SLC35D4: variants seen among roughly 807,000 people sequenced by gnomAD.
SLC35D4 encodes the protein solute carrier family 35 member D4, also known as UDP-N-acetylglucosamine transporter SLC35D4.
chr18:23,429,408 G>C, the SLC35D4 span, among the ~76,000 whole-genome samples: 1 of 151,954 alleles, frequency 6.6e-6, no homozygotes, highest in African/African-American at 2.4e-5. Flanking sequence ...CCAGGCTGGA[G>C]TACAACGGTG....
chr18:23,277,598 C>T, the SLC35D4 span, among the ~76,000 whole-genome samples: 5 of 152,240 alleles, frequency 3.3e-5, no homozygotes, highest in East Asian at 7.7e-4. Flanking sequence ...TGGAAGCTGC[C>T]AAAGAAAAAC....
At chr18:23,347,275 C>G in the SLC35D4 span, among the ~76,000 whole-genome samples, 2 of 152,126 alleles carry the variant, frequency 1.3e-5, no homozygotes, top group Non-Finnish European at 1.5e-5. Flanking sequence ...CCCATTTCAT[C>G]CAAATTGACT....
At chr18:23,356,963 T>A in the SLC35D4 span, among the ~76,000 whole-genome samples, 7 of 152,248 alleles carry the variant, frequency 4.6e-5, no homozygotes, top group Non-Finnish European at 1.0e-4. This position sits in a 1 kb window ranked among gnomAD's most constrained non-coding sequence, Gnocchi z 4.1. Flanking sequence ...GGTTCTATTG[T>A]GCCCATTTAA....
At chr18:23,396,009 T>G in the SLC35D4 span, among the ~76,000 whole-genome samples, 11 of 152,232 alleles carry the variant, frequency 7.2e-5, no homozygotes, top group Non-Finnish European at 7.3e-5. Flanking sequence ...CCAGGTCTTA[T>G]TTGTCTTTAT....
chr18:23,363,586 G>A, the SLC35D4 span, among the ~76,000 whole-genome samples: 1 of 151,852 alleles, frequency 6.6e-6, no homozygotes, highest in South Asian at 2.1e-4. Context: ...GTGTTAGCCA[G>A]GATGGTCTCG....
the SLC35D4 span, among the ~76,000 whole-genome samples, chr18:23,286,700 G>A: frequency 6.6e-6 from 1 of 151,996 alleles, no homozygotes; most frequent in Non-Finnish European, 1.5e-5. Flanking sequence ...ACTGTTGTAG[G>A]TATTGACGGC....
the SLC35D4 span, among the ~76,000 whole-genome samples, chr18:23,289,971 T>G: frequency 1.3e-5 from 2 of 152,132 alleles, no homozygotes; most frequent in African/African-American, 2.4e-5. Context: ...TCAGCCCGCC[T>G]GCACCCAGGT....
the SLC35D4 span, among the ~76,000 whole-genome samples, chr18:23,246,538 CCCG>C: frequency 6.6e-6 from 1 of 151,752 alleles, no homozygotes; most frequent in East Asian, 2.0e-4. Flanking sequence ...ACTACAGGCA[CCCG>C]CCACCACACC....
the SLC35D4 span, chr18:23,368,813 T>C: frequency 9.2e-7 from 1 of 1,082,828 alleles, no homozygotes; most frequent in South Asian, 1.5e-5. Flanking sequence ...ATACATAAAA[T>C]AATCATTGTC....
At chr18:23,353,360 A>G in the SLC35D4 span, among the ~76,000 whole-genome samples, 1 of 151,970 alleles carries the variant, frequency 6.6e-6, no homozygotes, top group African/African-American at 2.4e-5. Context: ...CTGATCATAA[A>G]CTCTGAGCAG....
chr18:23,404,360 G>A, the SLC35D4 span, among the ~76,000 whole-genome samples: 1 of 152,164 alleles, frequency 6.6e-6, no homozygotes. Flanking sequence ...GAGCCTTCAT[G>A]AATGGGATTA....
chr18:23,281,217 C>A, the SLC35D4 span, among the ~76,000 whole-genome samples: 1 of 152,188 alleles, frequency 6.6e-6, no homozygotes, highest in Non-Finnish European at 1.5e-5. Flanking sequence ...TTGCAGAATT[C>A]TGTGAATACA....
the SLC35D4 span, among the ~76,000 whole-genome samples, chr18:23,346,909 C>T: frequency 6.6e-6 from 1 of 152,016 alleles, no homozygotes; most frequent in Non-Finnish European, 1.5e-5. Flanking sequence ...TATATGTTGC[C>T]AAATTTGGTT....
At chr18:23,273,829 A>G in the SLC35D4 span, among the ~76,000 whole-genome samples, 9 of 152,218 alleles carry the variant, frequency 5.9e-5, no homozygotes, top group Admixed American at 1.3e-4. Flanking sequence ...CTGTCTGTTT[A>G]CTGTGTGCCG....
the SLC35D4 span, among the ~76,000 whole-genome samples, chr18:23,303,939 G>C: frequency 2.0e-5 from 3 of 150,800 alleles, no homozygotes; most frequent in South Asian, 6.3e-4. Context: ...GGCTAGTCTG[G>C]GAGTGGTGGC....
At chr18:23,349,029 A>G in the SLC35D4 span, among the ~76,000 whole-genome samples, 2 of 152,226 alleles carry the variant, frequency 1.3e-5, no homozygotes, top group African/African-American at 2.4e-5. Context: ...TGTGATGAGA[A>G]GTTAGCCACT....
At chr18:23,357,767 A>T in the SLC35D4 span, among the ~76,000 whole-genome samples, 7 of 152,196 alleles carry the variant, frequency 4.6e-5, no homozygotes, top group Non-Finnish European at 1.0e-4. Flanking sequence ...GAAAGTTCTG[A>T]GTTCAATTTC....
the SLC35D4 span, among the ~76,000 whole-genome samples, chr18:23,326,006 C>T: frequency 1.3e-5 from 2 of 152,190 alleles, no homozygotes; most frequent in South Asian, 2.1e-4. Context: ...TGCAGCACCC[C>T]TTAGTAACTC....
the SLC35D4 span, among the ~76,000 whole-genome samples, chr18:23,436,612 G>A: frequency 6.6e-6 from 1 of 151,912 alleles, no homozygotes; most frequent in Admixed American, 6.6e-5. Flanking sequence ...GGACAACATG[G>A]TGAAACCCCG....
Sources: allele counts gnomAD v4.1 joint callset (sites outside exome capture counted in the v4.1 genomes callset), GRCh38; gene constraint gnomAD v4.1.1; non-coding constraint Gnocchi (gnomAD v3.1); transcripts MANE v1.5; gene names NCBI Gene and HGNC (gene_info 2026-07-23, HGNC 2026-07-21).